SKAP1: variants seen among roughly 807,000 people sequenced by gnomAD.
The protein encoded by SKAP1 is src kinase-associated phosphoprotein 1.
Under a neutral mutation model 58.5 loss-of-function variants are expected in SKAP1, and 44 were observed. That is an observed-to-expected ratio of 0.75 (90% CI 0.59 to 0.97). The LOEUF is 0.97. Ranked by LOEUF, SKAP1 falls within the 50% of genes least tolerant of loss-of-function variation. SKAP1 has a pLI of 0.00. For missense variants in SKAP1, 390 were observed against 435.2 expected (o/e 0.90, Z 0.92); for synonymous variants, 127 against 149.7 (o/e 0.85, Z 1.11).
At chr17:48,376,924 C>T (rs1258271686) in intron 2 of SKAP1, among the ~76,000 whole-genome samples, 5 of 151,996 alleles carry the variant, frequency 3.3e-5, no homozygotes, top group Non-Finnish European at 5.9e-5. Context: ...CAGAGAGAAG[C>T]CTGGAAGGGG....
chr17:48,193,569 T>A, intron 4 of SKAP1: 2 of 416,510 alleles, frequency 4.8e-6, no homozygotes, highest in Non-Finnish European at 6.5e-6. Context: ...TGTAGTTGGC[T>A]CTGAGCTCAA....
rs566506599 is a variant in SKAP1 at position 48,387,960 on chromosome 17, C to A, written c.152+8720G>T. Among the ~76,000 whole-genome samples, 5 of 152,182 alleles carry A rather than the reference C, an allele frequency of 3.3e-5. No homozygotes were observed. The East Asian group carries it at 9.6e-4, about 29-fold the overall frequency. Reference sequence around the variant, plus strand: ...TTCCTGTTACTTATGTCAGAAATAACAAACTGGAGGATTATCCCCTAGTTC... The same window carrying A: ...TTCCTGTTACTTATGTCAGAAATAAAAAACTGGAGGATTATCCCCTAGTTC... On this transcript the variant is annotated intron_variant, in intron 2 of 12. Transcript: ENST00000336915.
At chr17:48,379,249 T>C (rs1177821145) in intron 2 of SKAP1, among the ~76,000 whole-genome samples, 3 of 152,202 alleles carry the variant, frequency 2.0e-5, no homozygotes, top group Non-Finnish European at 2.9e-5. Context: ...ATCCAATATA[T>C]AAATACAATC....
chr17:48,403,386 T>A (rs995608817), intron 1 of SKAP1, among the ~76,000 whole-genome samples: 2 of 151,792 alleles, frequency 1.3e-5, no homozygotes, highest in Non-Finnish European at 2.9e-5. Flanking sequence ...TATTGAATAT[T>A]TTTTATTACA....
intron 4 of SKAP1, among the ~76,000 whole-genome samples, chr17:48,330,595 G>C (rs190730275): frequency 1.3e-5 from 2 of 152,204 alleles, no homozygotes; most frequent in African/African-American, 2.4e-5. Context: ...TCTGCAACCC[G>C]CCCTCTTCAT....
chr17:48,345,811 G>T, intron 4 of SKAP1, 94 bp downstream of exon 4: 1 of 807,412 alleles, frequency 1.2e-6, no homozygotes, highest in Non-Finnish European at 2.1e-6. Flanking sequence ...CCCACCAAAG[G>T]CTGCTAGATA....
intron 4 of SKAP1, among the ~76,000 whole-genome samples, chr17:48,246,978 AC>A (rs1222183387): frequency 4.6e-5 from 7 of 152,110 alleles, no homozygotes; most frequent in African/African-American, 1.7e-4. Context: ...AAATTAAACA[AC>A]CTTTCCCATC....
chr17:48,432,811 T>C (rs1311128548), upstream of SKAP1, among the ~76,000 whole-genome samples: 6 of 152,362 alleles, frequency 3.9e-5, no homozygotes, highest in South Asian at 4.1e-4. Context: ...TAATATAAGC[T>C]ACCAGCTAAT....
chr17:48,179,229 T>A lies in SKAP1; in HGVS notation c.826+825A>T, dbSNP rs117587690. On this transcript the variant is annotated intron_variant, in intron 9 of 12. Transcript: ENST00000336915. Reference sequence around the variant, plus strand: ...ATTTCTCAGCAGAGCACTGAACTCCTGGCAAATTTCCATAGGAATGATCTT... The same window carrying A: ...ATTTCTCAGCAGAGCACTGAACTCCAGGCAAATTTCCATAGGAATGATCTT... Among the ~76,000 whole-genome samples, 27 of 152,322 alleles carry A rather than the reference T, an allele frequency of 1.8e-4. No individual in the cohort carries two copies. In the East Asian group the frequency reaches 5.2e-3, roughly 29 times the overall value.
In SKAP1 at chr17:48,271,362, C is replaced by CTTTTTTTTT. The variant is rs35447830; in HGVS notation, c.280+74534_280+74542dup. On this transcript the variant is annotated intron_variant, in intron 4 of 12. Coordinates refer to ENST00000336915, the MANE Select transcript of SKAP1 (RefSeq NM_003726.4). ...TATTAATATTCTTGTTTCTTTGTTTCTTTTTTTTTTTTTTTTTTTTTTGAG... is the reference window on the plus strand; with the variant it reads ...TATTAATATTCTTGTTTCTTTGTTTCTTTTTTTTTTTTTTTTTTTTTTTTTTTTTTTGAG... Among the ~76,000 whole-genome samples, 352 of 106,248 alleles carry CTTTTTTTTT rather than the reference C, an allele frequency of 3.3e-3. 1 individual carries two copies. Among genetic ancestry groups the CTTTTTTTTT allele is most frequent in the Middle Eastern group, 6.5e-3 (1 of 154 alleles). 69.7% of individuals were successfully genotyped at this position (106,248 alleles called of 152,430 possible).
intron 10 of SKAP1, among the ~76,000 whole-genome samples, chr17:48,168,928 C>T (rs1292430682): frequency 1.3e-5 from 2 of 152,116 alleles, no homozygotes; most frequent in Non-Finnish European, 2.9e-5. Flanking sequence ...AATAAGTAAA[C>T]ACAAATAATA....
At chr17:48,416,378 G>A (rs1332321069) in intron 1 of SKAP1, among the ~76,000 whole-genome samples, 1 of 152,126 alleles carries the variant, frequency 6.6e-6, no homozygotes, top group Non-Finnish European at 1.5e-5. Flanking sequence ...TTGGGTTTGT[G>A]GAGGAGAAGA....
chr17:48,329,749 T>G (rs572035760), intron 4 of SKAP1, among the ~76,000 whole-genome samples: 11 of 152,170 alleles, frequency 7.2e-5, no homozygotes, highest in Non-Finnish European at 1.6e-4. Context: ...CTACTTCCTT[T>G]TCTGTGAGGC....
chr17:48,438,677 G>A, the SKAP1 span, among the ~76,000 whole-genome samples: 1 of 152,202 alleles, frequency 6.6e-6, no homozygotes, highest in Non-Finnish European at 1.5e-5. Flanking sequence ...TGATCTGGAA[G>A]GCGTGAGATA....
chr17:48,140,954 T>C (rs887185273), intron 11 of SKAP1, among the ~76,000 whole-genome samples: 2 of 151,978 alleles, frequency 1.3e-5, no homozygotes, highest in Admixed American at 1.3e-4. Context: ...GGCCAGCTAA[T>C]TTTTGTATTT....
intron 2 of SKAP1, 145 bp downstream of exon 2, chr17:48,396,535 C>A: frequency 2.0e-6 from 1 of 489,660 alleles, no homozygotes. Context: ...TTGCCTGCCT[C>A]CAGTTCAATT....
chr17:48,372,761 C>T (rs563117042), intron 2 of SKAP1, among the ~76,000 whole-genome samples: 6 of 152,200 alleles, frequency 3.9e-5, no homozygotes, highest in Non-Finnish European at 7.3e-5. Context: ...CTGCCTCAGC[C>T]TCCGAAGTAG....
intron 2 of SKAP1, among the ~76,000 whole-genome samples, chr17:48,384,447 C>T (rs1352574935): frequency 6.6e-5 from 10 of 152,088 alleles, no homozygotes; most frequent in Non-Finnish European, 1.5e-4. Flanking sequence ...GTTAATTTTT[C>T]CCACAAAACA....
At chr17:48,261,121 G>A (rs1346946190) in intron 4 of SKAP1, among the ~76,000 whole-genome samples, 1 of 152,142 alleles carries the variant, frequency 6.6e-6, no homozygotes, top group Non-Finnish European at 1.5e-5. Flanking sequence ...CCCTAAGTCT[G>A]CAAGTCCTAG....
Sources: allele counts gnomAD v4.1 joint callset (sites outside exome capture counted in the v4.1 genomes callset), GRCh38; gene constraint gnomAD v4.1.1; transcripts MANE v1.5; gene names NCBI Gene and HGNC (gene_info 2026-07-23, HGNC 2026-07-21).